The following MCU variants were observed in gnomAD, a reference collection of about 807,000 sequenced individuals.
MCU encodes mitochondrial calcium uniporter, also known as calcium uniporter protein, mitochondrial.
A neutral mutation model predicts 45.2 loss-of-function variants in MCU; 12 were observed. The ratio of observed to expected loss-of-function variants is 0.27; its 90% CI spans 0.17 to 0.43. The LOEUF is 0.43. Ranked by LOEUF, MCU falls within the 20% of genes least tolerant of loss-of-function variation. The pLI is 1.00. For missense variants in MCU, 324 were observed against 436.7 expected, an observed-to-expected ratio of 0.74 and a Z score of 2.30; for synonymous variants, 160 against 165.1, an observed-to-expected ratio of 0.97 and a Z score of 0.24.
chr10:72,786,335 G>C (rs1844070911), intron 1 of MCU, among the ~76,000 whole-genome samples: 3 of 152,170 alleles, frequency 2.0e-5, no homozygotes. Context: ...AGATATATTT[G>C]ATTTCAGATC....
At chr10:72,859,681 T>G (rs1426433448) in intron 3 of MCU, among the ~76,000 whole-genome samples, 1 of 152,208 alleles carries the variant, frequency 6.6e-6, no homozygotes, top group South Asian at 2.1e-4. Flanking sequence ...GAATAAATAC[T>G]TCCAGTAGTT....
intron 1 of MCU, among the ~76,000 whole-genome samples, chr10:72,702,894 A>G (rs1162255309): frequency 5.9e-5 from 9 of 151,804 alleles, no homozygotes; most frequent in Non-Finnish European, 1.0e-4. Context: ...CAGGAGAATC[A>G]CTTGAACCGG....
intron 1 of MCU, among the ~76,000 whole-genome samples, chr10:72,718,780 CATA>C (rs890746505): frequency 5.9e-5 from 9 of 152,194 alleles, no homozygotes; most frequent in African/African-American, 1.2e-4. Flanking sequence ...GACATAACCA[CATA>C]ATGAGTATTG....
chr10:72,692,929 T>G (rs1801153756), intron 1 of MCU: 3 of 1,521,312 alleles, frequency 2.0e-6, no homozygotes, highest in Non-Finnish European at 2.6e-6. Flanking sequence ...GGATGCTGCA[T>G]TGCTTCAGGA....
chr10:72,751,341 C>CTTCTTTTTTTTTTTTTTTTTTTTTTT (rs1474252109), intron 1 of MCU, among the ~76,000 whole-genome samples: 2 of 44,742 alleles, frequency 4.5e-5, no homozygotes, highest in African/African-American at 1.7e-4. Flanking sequence ...TCTTCTTCTT[C>CTTCTTTTTTTTTTTTTTTTTTTTTTT]TTTTTTTTTT....
intron 1 of MCU, among the ~76,000 whole-genome samples, chr10:72,728,261 G>A (rs1329753435): frequency 2.6e-5 from 4 of 152,088 alleles, no homozygotes; most frequent in Admixed American, 6.6e-5. Context: ...ACCTGCTTCC[G>A]GTTTGCAAGA....
chr10:72,704,704 A>ACTTTTTTTTTTTT (rs1435890480), intron 1 of MCU, among the ~76,000 whole-genome samples: 2 of 106,746 alleles, frequency 1.9e-5, no homozygotes, highest in African/African-American at 4.4e-5. Flanking sequence ...TGCCTGGATA[A>ACTTTTTTTTTTTT]TTTTTTTTTT....
chr10:72,699,735 G>T (rs1357039088), intron 1 of MCU, among the ~76,000 whole-genome samples: 2 of 151,762 alleles, frequency 1.3e-5, no homozygotes, highest in Non-Finnish European at 2.9e-5. Context: ...GGGACTACAG[G>T]TGTGCGCCAC....
intron 6 of MCU, among the ~76,000 whole-genome samples, chr10:72,877,398 A>G (rs1409433852): frequency 6.6e-6 from 1 of 152,220 alleles, no homozygotes; most frequent in Non-Finnish European, 1.5e-5. Flanking sequence ...GCTTTCCCTC[A>G]AGTTCTTAAT....
chr10:72,810,003 T>TGC (rs1564563644), intron 1 of MCU, among the ~76,000 whole-genome samples: 2 of 122,676 alleles, frequency 1.6e-5, no homozygotes, highest in Non-Finnish European at 4.2e-5. Context: ...GGCTTCTGTG[T>TGC]GTGCATGTGT....
At chr10:72,741,511 G>C (rs1369134510) in intron 1 of MCU, among the ~76,000 whole-genome samples, 1 of 152,184 alleles carries the variant, frequency 6.6e-6, no homozygotes, top group African/African-American at 2.4e-5. Context: ...TAAACATAGA[G>C]AGACAGTCTT....
At chr10:72,722,194 A>G (rs2921447) in intron 1 of MCU, among the ~76,000 whole-genome samples, 108,654 of 151,558 alleles carry the variant, frequency 0.72, 40,315 homozygotes, top group African/African-American at 0.87. Flanking sequence ...GTGGGCACTT[A>G]AATCCCAGCT....
intron 2 of MCU, among the ~76,000 whole-genome samples, chr10:72,856,833 A>C (rs966608346): frequency 1.4e-5 from 2 of 147,114 alleles, no homozygotes; most frequent in Non-Finnish European, 3.0e-5. Flanking sequence ...GTTCCCAGCA[A>C]CTTGGGAGCC....
At chr10:72,714,959 G>T (rs2081416341) in intron 1 of MCU, among the ~76,000 whole-genome samples, 1 of 152,310 alleles carries the variant, frequency 6.6e-6, no homozygotes. Context: ...TGTCCTAAGG[G>T]TCACTGTGAT....
chr10:72,727,150 T>A (rs948605344), intron 1 of MCU, among the ~76,000 whole-genome samples: 6 of 152,166 alleles, frequency 3.9e-5, no homozygotes, highest in African/African-American at 1.4e-4. Context: ...TTGTAGTCTC[T>A]CAGCTTGAAA....
intron 1 of MCU, among the ~76,000 whole-genome samples, chr10:72,702,020 AC>A (rs1418689905): frequency 6.6e-6 from 1 of 151,772 alleles, no homozygotes; most frequent in Non-Finnish European, 1.5e-5. Context: ...TGGGGGAATC[AC>A]CTGAGGTCAG....
At chr10:72,710,374 G>A (rs988681277) in intron 1 of MCU, among the ~76,000 whole-genome samples, 2 of 152,008 alleles carry the variant, frequency 1.3e-5, no homozygotes, top group Non-Finnish European at 2.9e-5. Context: ...GGTGTTCTTT[G>A]TAAGATGAAA....
chr10:72,857,301 G>A (rs982064736), intron 2 of MCU, among the ~76,000 whole-genome samples: 1 of 151,064 alleles, frequency 6.6e-6, no homozygotes, highest in African/African-American at 2.4e-5. Context: ...GTGCAGTGTC[G>A]CGATCTTGGC....
At chr10:72,708,889 C>A (rs145594292) in intron 1 of MCU, among the ~76,000 whole-genome samples, 1 of 152,234 alleles carries the variant, frequency 6.6e-6, no homozygotes, top group African/African-American at 2.4e-5. Flanking sequence ...CAGTGGCTCA[C>A]GTTTGTAATC....
Sources: gnomAD v4.1 joint callset for allele counts (sites outside exome capture counted in the v4.1 genomes callset) on GRCh38, gnomAD v4.1.1 for gene constraint, MANE v1.5 for transcripts, NCBI Gene and HGNC (gene_info 2026-07-23, HGNC 2026-07-21) for gene names.